The following MAP1B variants were observed in gnomAD, a reference collection of about 807,000 sequenced individuals.
MAP1B encodes the protein microtubule associated protein 1B, also known as microtubule-associated protein 1B.
MAP1B carries 12 observed loss-of-function variants against 176.1 expected under a neutral mutation model. That is an observed-to-expected ratio of 0.07 (90% CI 0.04 to 0.11). The LOEUF (loss-of-function observed/expected upper bound fraction) is 0.11, where lower values mean the gene tolerates loss of function less well. Among genes scored for constraint, MAP1B ranks in the 10% least tolerant of loss-of-function variants. The pLI, the probability that MAP1B is intolerant of heterozygous loss-of-function variation, is 1.00. For missense variants in MAP1B, 2,523 were observed against 2,990.5 expected, an observed-to-expected ratio of 0.84 and a Z score of 3.65; for synonymous variants, 1,044 against 1,135.0, an observed-to-expected ratio of 0.92 and a Z score of 1.61.
intron 2 of MAP1B, among the ~76,000 whole-genome samples, chr5:72,183,250 C>T (rs1746816522): frequency 6.6e-6 from 1 of 152,212 alleles, no homozygotes; most frequent in Admixed American, 6.5e-5. Context: ...GTAAGCCTGC[C>T]TCAGACAGCC....
intron 2 of MAP1B, among the ~76,000 whole-genome samples, chr5:72,154,164 G>A (rs564620058): frequency 8.6e-5 from 13 of 151,530 alleles, no homozygotes; most frequent in South Asian, 2.1e-4. Flanking sequence ...GCTCATTCTC[G>A]TGTGTCTATC....
chr5:72,186,545 G>T lies in MAP1B; in HGVS notation c.370-69G>T, dbSNP rs1746901464. The T allele has an allele frequency of 1.3e-6, 2 of 1,581,426 alleles. No homozygotes were observed. Among genetic ancestry groups the T allele is most frequent in the Admixed American group, 3.4e-5 (2 of 58,754 alleles). On this transcript the variant is annotated intron_variant, in intron 3 of 6. Transcript: ENST00000296755. The surrounding 1 kb of genome is among the most constrained non-coding windows in gnomAD (Gnocchi z 4.3). ...TAAACTCCCATGGCTCCGAAGGCTA[G>T]CCCTGTCCTGAAGGTGGGATGGCAG...
chr5:72,107,682 C>T lies in MAP1B; in HGVS notation c.151C>T (p.His51Tyr). 3 of 1,600,016 alleles carry T rather than the reference C, an allele frequency of 1.9e-6. No individual in the cohort carries two copies. The highest frequency in any genetic ancestry group is 2.5e-6 in the Non-Finnish European group (3 of 1,179,640). Residue 51 changes from histidine (H) to tyrosine (Y), a missense_variant, in exon 1 of 7, where the codon CAC becomes TAC. Coordinates refer to ENST00000296755, the MANE Select transcript of MAP1B (RefSeq NM_005909.5). ...CGTCGGCGAGATCGTGACCGAGGAG[C>T]ACCTGCGGCGTGCCATCGGCAACAT... ...VVVGEIVTEE[H>Y]LRRAIGNIEL...
chr5:72,116,478 T>C (rs1459291382), intron 2 of MAP1B: 1 of 409,084 alleles, frequency 2.4e-6, no homozygotes, highest in African/African-American at 2.1e-5. Context: ...ATTTGTCATA[T>C]GTGAAGATGT....
Position 72,198,662 on chromosome 5 carries a change from A to C in MAP1B, c.5307A>C (p.Lys1769Asn), listed in dbSNP as rs1323922197. Residue 1769 changes from lysine to asparagine, a missense_variant, in exon 5 of 7, where the codon AAA becomes AAC. Lys to Asn is a moderately conservative substitution (Grantham distance 94). Coordinates refer to ENST00000296755, the MANE Select transcript of MAP1B (RefSeq NM_005909.5). Reference sequence around the variant, plus strand: ...TATATGCCTCACTCACCTCTGAAAAAGTGCAAAGTCTGGAAGGAGAGAAGC... The same window carrying C: ...TATATGCCTCACTCACCTCTGAAAACGTGCAAAGTCTGGAAGGAGAGAAGC... ...MSLYASLTSE[K>N]VQSLEGEKLS... 3.1e-6 allele frequency: 5 copies of C among 1,614,046 alleles called. No homozygotes were observed. Among genetic ancestry groups the C allele is most frequent in the Admixed American group, 1.7e-5 (1 of 60,000 alleles).
At position 72,196,972 on chromosome 5, in the gene MAP1B, C is replaced by T; in HGVS notation, c.3617C>T (p.Thr1206Ile). Reference protein sequence around the residue: ...DGKDYNASASTISPPSSMEED... With the variant: ...DGKDYNASASIISPPSSMEED... ...AAGGATTACAATGCTTCAGCCTCTA[C>T]CATATCACCACCCTCTTCCATGGAG... The change falls in exon 5 of 7, where the codon ACC becomes ATC. Residue 1206 changes from threonine to isoleucine, a missense_variant. This residue lies in a region of MAP1B where 1,925 missense variants were observed against 2,126.0 expected (regional missense o/e 0.91). Transcript: ENST00000296755. The surrounding 1 kb of genome is among the most constrained non-coding windows in gnomAD (Gnocchi z 5.3). The T allele has an allele frequency of 6.2e-7, 1 of 1,614,234 alleles. No individual in the cohort carries two copies. Among genetic ancestry groups the T allele is most frequent in the Non-Finnish European group, 8.5e-7 (1 of 1,180,042 alleles).
intron 2 of MAP1B, among the ~76,000 whole-genome samples, chr5:72,160,388 G>A (rs1404954644): frequency 2.0e-5 from 3 of 152,176 alleles, no homozygotes; most frequent in Non-Finnish European, 2.9e-5. Context: ...TGAAATAGCT[G>A]ATGTTATTTA....
At chr5:72,134,167 G>A (rs1198007682) in intron 2 of MAP1B, among the ~76,000 whole-genome samples, 1 of 152,142 alleles carries the variant, frequency 6.6e-6, no homozygotes, top group African/African-American at 2.4e-5. Context: ...TGATTTGATT[G>A]AAAAAGAAAA....
intron 4 of MAP1B, among the ~76,000 whole-genome samples, chr5:72,190,313 A>T (rs977223941): frequency 5.3e-5 from 8 of 152,212 alleles, no homozygotes; most frequent in Non-Finnish European, 8.8e-5. Flanking sequence ...ATTAATATAC[A>T]GTTAAGTACA....
intron 2 of MAP1B, among the ~76,000 whole-genome samples, chr5:72,144,296 C>T (rs1212941289): frequency 6.6e-6 from 1 of 152,218 alleles, no homozygotes; most frequent in Non-Finnish European, 1.5e-5. Flanking sequence ...CCTAAGGAGT[C>T]TTCCGTCGTA....
At chr5:72,203,844 G>C (rs779944311) in intron 6 of MAP1B, 43 bp downstream of exon 6, 2 of 1,576,738 alleles carry the variant, frequency 1.3e-6, no homozygotes, top group Admixed American at 3.3e-5. Flanking sequence ...ATTGAGCTGT[G>C]TCCAGAGGCA....
At chr5:72,122,611 A>ATT (rs1163149613) in intron 2 of MAP1B, among the ~76,000 whole-genome samples, 1 of 151,346 alleles carries the variant, frequency 6.6e-6, no homozygotes, top group Non-Finnish European at 1.5e-5. Context: ...GGGCTCTTTC[A>ATT]GACCACCCTA....
chr5:72,111,102 C>CTT (rs111406578), intron 1 of MAP1B, among the ~76,000 whole-genome samples: 3 of 152,130 alleles, frequency 2.0e-5, no homozygotes, highest in Admixed American at 6.5e-5. Context: ...TTGGCACCTC[C>CTT]TTTTTCTCCT....
chr5:72,132,092 TTGGAAAAAATA>T (rs778564113), intron 2 of MAP1B, among the ~76,000 whole-genome samples: 16 of 152,206 alleles, frequency 1.1e-4, no homozygotes, highest in Non-Finnish European at 1.8e-4. Flanking sequence ...ATGGCCCTTG[TTGGAAAAAATA>T]AAGCCTGCCT....
chr5:72,175,195 GC>G (rs1189245300), intron 2 of MAP1B, among the ~76,000 whole-genome samples: 103 of 151,742 alleles, frequency 6.8e-4, no homozygotes, highest in African/African-American at 2.4e-3. Flanking sequence ...CTCCCGAGTA[GC>G]TGAGATCACA....
intron 2 of MAP1B, among the ~76,000 whole-genome samples, chr5:72,120,953 A>G (rs1745516882): frequency 6.6e-6 from 1 of 152,204 alleles, no homozygotes; most frequent in African/African-American, 2.4e-5. Flanking sequence ...TGTTTCTCAG[A>G]GAAACGACTG....
chr5:72,196,522 G>C lies in MAP1B; in HGVS notation c.3167G>C (p.Gly1056Ala). The C allele has an allele frequency of 6.2e-7, 1 of 1,613,798 alleles. No individual in the cohort carries two copies. The highest frequency in any genetic ancestry group is 2.2e-5 in the East Asian group (1 of 44,884). The part of the protein sequence containing the change: ...MAVVDKAAEA[G>A]GAEEQYGFLT... ...GTGGTCGACAAGGCTGCAGAGGCTGGTGGTGCCGAGGAGCAGTATGGATTC... is the reference window on the plus strand; with the variant it reads ...GTGGTCGACAAGGCTGCAGAGGCTGCTGGTGCCGAGGAGCAGTATGGATTC... Residue 1056 changes from glycine to alanine, a missense_variant, in exon 5 of 7, where the codon GGT (glycine) becomes GCT (alanine). This residue lies in a region of MAP1B where 1,925 missense variants were observed against 2,126.0 expected (regional missense o/e 0.91). Transcript: ENST00000296755. This position sits in a 1 kb window ranked among gnomAD's most constrained non-coding sequence, Gnocchi z 5.3.
At chr5:72,184,325 G>A (rs1376721520) in intron 3 of MAP1B, among the ~76,000 whole-genome samples, 1 of 152,200 alleles carries the variant, frequency 6.6e-6, no homozygotes, top group Non-Finnish European at 1.5e-5. Flanking sequence ...CAGGTCACCT[G>A]GGTTCATAAT....
At chr5:72,182,584 T>G (rs1580011778) in intron 2 of MAP1B, among the ~76,000 whole-genome samples, 1 of 152,330 alleles carries the variant, frequency 6.6e-6, no homozygotes, top group East Asian at 1.9e-4. Context: ...CACCTGGAAG[T>G]GGGCTTGCTG....
Sources: gnomAD v4.1 joint callset for allele counts (sites outside exome capture counted in the v4.1 genomes callset) on GRCh38, gnomAD v4.1.1 for gene constraint, gnomAD v4.1.1 regional missense constraint, Gnocchi (gnomAD v3.1) non-coding constraint, MANE v1.5 for transcripts, NCBI Gene and HGNC (gene_info 2026-07-23, HGNC 2026-07-21) for gene names.